PCDHGA2: variants seen among roughly 807,000 people sequenced by gnomAD.
PCDHGA2 encodes protocadherin gamma subfamily A, 2, also known as protocadherin gamma-A2.
PCDHGA2 carries 40 observed loss-of-function variants against 59.2 expected under a neutral mutation model. The observed-to-expected ratio is 0.68, with a 90% CI of 0.52 to 0.88. PCDHGA2 has a LOEUF of 0.88. PCDHGA2 is among the 40% of genes least tolerant of loss of function. PCDHGA2 has a pLI of 0.00. For synonymous variants in PCDHGA2, 560 were observed against 526.0 expected, an observed-to-expected ratio of 1.06 and a Z score of -0.89; for missense variants, 1,226 against 1,204.0, an observed-to-expected ratio of 1.02 and a Z score of -0.27.
chr5:141,385,238 T>C (rs756116390), intron 1 of PCDHGA2: 1 of 1,614,074 alleles, frequency 6.2e-7, no homozygotes, highest in Non-Finnish European at 8.5e-7. Context: ...GACATGCTCA[T>C]CAGCCAGGAG....
Position 141,412,905 on chromosome 5 carries a change from A to G in PCDHGA2, c.2424+71510A>G, listed in dbSNP as rs145108034. The stretch of plus-strand genomic sequence containing the variant: ...AACAGAATAGTTTACTTTCCATTGC[A>G]TGTATCACTTGGGTGCAGTAACTTC... On this transcript the variant is annotated intron_variant, in intron 1 of 3. Coordinates refer to ENST00000394576, the MANE Select transcript of PCDHGA2 (RefSeq NM_018915.4). 1.3e-3 allele frequency: 513 copies of G among 382,556 alleles called. 6 individuals are homozygous for G. The East Asian group carries it at 0.015, about 11-fold the overall frequency. 23.7% of individuals were successfully genotyped at this position (382,556 alleles called of 1,614,324 possible).
intron 1 of PCDHGA2, among the ~76,000 whole-genome samples, chr5:141,473,611 G>C (rs2099325261): frequency 6.6e-6 from 1 of 152,140 alleles, no homozygotes; most frequent in Non-Finnish European, 1.5e-5. Context: ...GCAAAGCAAA[G>C]GGAGGGAGGA....
At chr5:141,347,660 G>A (rs763268636) in intron 1 of PCDHGA2, among the ~76,000 whole-genome samples, 7 of 151,898 alleles carry the variant, frequency 4.6e-5, no homozygotes, top group East Asian at 3.9e-4. Flanking sequence ...GGTGGTGGGC[G>A]CCTGTAATCC....
intron 1 of PCDHGA2, chr5:141,365,905 G>A (rs539434078): frequency 1.2e-6 from 2 of 1,614,190 alleles, no homozygotes; most frequent in East Asian, 2.2e-5. Flanking sequence ...ATGAGCAGTT[G>A]AGAGACCTAC....
At position 141,375,555 on chromosome 5, in the gene PCDHGA2, T is replaced by G. The variant is rs535412919; in HGVS notation, c.2424+34160T>G. 50 of 1,614,076 alleles carry G rather than the reference T, an allele frequency of 3.1e-5. No homozygotes were observed. In the Admixed American group the frequency reaches 5.5e-4, roughly 18 times the overall value. On this transcript the variant is annotated intron_variant, in intron 1 of 3. Transcript: ENST00000394576. ...CAGAACGCCCAAGTCTCCTACTCAC[T>G]GGCAGAAGACACCCTCCAGGGGGCG... is the stretch of plus-strand genomic sequence containing the variant.
At chr5:141,466,709 T>C (rs2099127779) in intron 1 of PCDHGA2, among the ~76,000 whole-genome samples, 1 of 152,212 alleles carries the variant, frequency 6.6e-6, no homozygotes, top group Non-Finnish European at 1.5e-5. Flanking sequence ...TGATGTCTGT[T>C]CTTGTTTCCA....
intron 1 of PCDHGA2, chr5:141,421,703 G>A: frequency 1.2e-6 from 2 of 1,613,946 alleles, no homozygotes; most frequent in Middle Eastern, 1.6e-4. Context: ...CCTAATGCTA[G>A]GGATCCAGAT....
intron 1 of PCDHGA2, chr5:141,394,336 A>G (rs1205005872): frequency 1.9e-6 from 3 of 1,613,704 alleles, no homozygotes; most frequent in Non-Finnish European, 1.7e-6. Context: ...ATCTCCATCA[A>G]CTCTGACACC....
At chr5:141,458,617 T>A (rs1392739721) in intron 1 of PCDHGA2, among the ~76,000 whole-genome samples, 6 of 152,170 alleles carry the variant, frequency 3.9e-5, no homozygotes, top group Non-Finnish European at 8.8e-5. Flanking sequence ...TCAGCCAGGC[T>A]GGAGTGCAGT....
intron 1 of PCDHGA2, chr5:141,403,495 C>A: frequency 6.2e-7 from 1 of 1,614,014 alleles, no homozygotes; most frequent in Non-Finnish European, 8.5e-7. Context: ...TCTCCCTGAA[C>A]GTGCAGACTG....
intron 1 of PCDHGA2, among the ~76,000 whole-genome samples, chr5:141,468,064 C>T (rs1026571562): frequency 3.3e-5 from 5 of 152,076 alleles, no homozygotes; most frequent in Non-Finnish European, 7.4e-5. Flanking sequence ...GTGGCTCACA[C>T]CTGTAATCCC....
chr5:141,358,561 A>G (rs940121879), intron 1 of PCDHGA2, among the ~76,000 whole-genome samples: 2 of 152,242 alleles, frequency 1.3e-5, no homozygotes, highest in Admixed American at 1.3e-4. Flanking sequence ...GAGATGCACC[A>G]GAAGTGACTA....
intron 1 of PCDHGA2, chr5:141,423,486 C>G: frequency 6.2e-7 from 1 of 1,613,952 alleles, no homozygotes; most frequent in Non-Finnish European, 8.5e-7. Context: ...TCCTGCAAAC[C>G]TATTCCCACG....
Position 141,340,449 on chromosome 5 carries a change from A to G in PCDHGA2, c.1478A>G (p.Glu493Gly). Residue 493 changes from glutamate (E) to glycine (G), a missense_variant, in exon 1 of 4, where the codon GAG (glutamate) becomes GGG (glycine). Transcript: ENST00000394576. ...GCTCATGTAACTTACTCTTTCGCGG[A>G]GGACACTGTTCAGGGGGCACCCTTA... Reference protein sequence around the residue: ...DNAHVTYSFAEDTVQGAPLSS... With the variant: ...DNAHVTYSFAGDTVQGAPLSS... The G allele has an allele frequency of 6.2e-7, 1 of 1,614,182 alleles. No individual in the cohort carries two copies.
At chr5:141,504,182 C>A (rs2099836345) in intron 2 of PCDHGA2, among the ~76,000 whole-genome samples, 1 of 152,234 alleles carries the variant, frequency 6.6e-6, no homozygotes, top group Non-Finnish European at 1.5e-5. Context: ...TCAAAAAAAT[C>A]ATGAAAATTG....
intron 1 of PCDHGA2, chr5:141,388,870 G>T (rs1196888001): frequency 4.3e-6 from 7 of 1,613,964 alleles, no homozygotes; most frequent in Non-Finnish European, 5.9e-6. Flanking sequence ...ATTGCGCAAT[G>T]CACAGTGGAG....
chr5:141,471,427 AGT>A (rs1475862025), intron 1 of PCDHGA2: 1 of 152,188 alleles, frequency 6.6e-6, no homozygotes, highest in Non-Finnish European at 1.5e-5. Flanking sequence ...TAGCAAGGAA[AGT>A]GTATAATCTC....
chr5:141,383,721 T>C lies in PCDHGA2; in HGVS notation c.2424+42326T>C, dbSNP rs990608432. The C allele has an allele frequency of 6.2e-6, 10 of 1,613,892 alleles. No individual in the cohort carries two copies. The South Asian group carries it at 6.6e-5, about 11-fold the overall frequency. On this transcript the variant is annotated intron_variant, in intron 1 of 3. Coordinates refer to ENST00000394576, the MANE Select transcript of PCDHGA2 (RefSeq NM_018915.4). ...CTATCGACCTGGACGAGGGAGTCAA[T>C]GGGGAAGTGACATATTCTTTTCGGA...
At chr5:141,442,111 C>G (rs1265830634) in intron 1 of PCDHGA2, 1 of 166,236 alleles carries the variant, frequency 6.0e-6, no homozygotes, top group Non-Finnish European at 1.3e-5. Context: ...CACTACCGCC[C>G]CTCGTCGCCG....
Sources: gnomAD v4.1 joint callset for allele counts (sites outside exome capture counted in the v4.1 genomes callset) on GRCh38, gnomAD v4.1.1 for gene constraint, MANE v1.5 for transcripts, NCBI Gene and HGNC (gene_info 2026-07-23, HGNC 2026-07-21) for gene names.